Variants in COL6A6 observed in about 807,000 individuals in gnomAD.
COL6A6 encodes the protein collagen type VI alpha 6 chain, also known as collagen alpha-6(VI) chain.
A neutral mutation model predicts 208.6 loss-of-function variants in COL6A6; 183 were observed. That is an observed-to-expected ratio of 0.88 (90% CI 0.78 to 0.99). The LOEUF (loss-of-function observed/expected upper bound fraction) is 0.99, where lower values mean the gene tolerates loss of function less well. COL6A6 is among the 50% of genes least tolerant of loss of function. The pLI, the probability that COL6A6 is intolerant of heterozygous loss-of-function variation, is 0.00. For missense variants in COL6A6, 2,816 were observed against 2,815.2 expected (o/e 1.00, Z -0.01); for synonymous variants, 973 against 1,011.8 (o/e 0.96, Z 0.73).
intron 25 of COL6A6, 37 bp downstream of exon 25, chr3:130,626,584 G>C: frequency 6.9e-7 from 1 of 1,446,052 alleles, no homozygotes; most frequent in Non-Finnish European, 9.7e-7. Flanking sequence ...CGGATTCTTG[G>C]AATCTTTTAG....
At chr3:130,566,273 G>T (rs1160166366) in intron 4 of COL6A6, among the ~76,000 whole-genome samples, 2 of 152,184 alleles carry the variant, frequency 1.3e-5, no homozygotes, top group Non-Finnish European at 2.9e-5. Flanking sequence ...TAGATGACTA[G>T]GAGCGGGTAA....
At chr3:130,586,893 A>AG (rs1341594621) in intron 11 of COL6A6, among the ~76,000 whole-genome samples, 1 of 152,208 alleles carries the variant, frequency 6.6e-6, no homozygotes, top group Admixed American at 6.5e-5. Flanking sequence ...AGGAGGAAAG[A>AG]GGGAAAAAGA....
chr3:130,564,638 A>T (rs2062973384), intron 3 of COL6A6, among the ~76,000 whole-genome samples: 1 of 152,234 alleles, frequency 6.6e-6, no homozygotes, highest in Admixed American at 6.5e-5. Flanking sequence ...GTAACTGCTG[A>T]CTATAGTGTG....
chr3:130,551,022 A>G (rs2062629436), intron 1 of COL6A6, among the ~76,000 whole-genome samples: 1 of 152,182 alleles, frequency 6.6e-6, no homozygotes, highest in South Asian at 2.1e-4. Flanking sequence ...CTTGATCATC[A>G]TGGTGGATTA....
At chr3:130,536,982 A>G (rs2062240610) in intron 1 of COL6A6, among the ~76,000 whole-genome samples, 1 of 152,252 alleles carries the variant, frequency 6.6e-6, no homozygotes. Flanking sequence ...AATTTTTTTA[A>G]GTAAAACTAA....
intron 36 of COL6A6, among the ~76,000 whole-genome samples, chr3:130,668,173 A>T (rs2066123057): frequency 6.6e-6 from 1 of 151,974 alleles, no homozygotes; most frequent in Admixed American, 6.6e-5. Flanking sequence ...TTGATTTTGA[A>T]AACAAAATAA....
chr3:130,650,418 C>G (rs1394860601), intron 33 of COL6A6, among the ~76,000 whole-genome samples: 1 of 152,012 alleles, frequency 6.6e-6, no homozygotes, highest in Non-Finnish European at 1.5e-5. Flanking sequence ...GTCAGGAGAT[C>G]GAGACCATCC....
intron 1 of COL6A6, among the ~76,000 whole-genome samples, chr3:130,519,740 G>A (rs1190542974): frequency 6.6e-6 from 1 of 152,120 alleles, no homozygotes; most frequent in South Asian, 2.1e-4. Context: ...CAAGATCTTC[G>A]TAAAATGCCA....
chr3:130,623,577 T>G (rs2064800859), intron 24 of COL6A6, among the ~76,000 whole-genome samples: 1 of 152,196 alleles, frequency 6.6e-6, no homozygotes, highest in African/African-American at 2.4e-5. Flanking sequence ...ACTTAACTTG[T>G]GATGATTCCA....
At chr3:130,634,727 G>A in intron 27 of COL6A6, 102 bp downstream of exon 27, 1 of 821,022 alleles carries the variant, frequency 1.2e-6, no homozygotes, top group Non-Finnish European at 1.9e-6. Flanking sequence ...ATAAATAAAT[G>A]TCCTACCTTT....
chr3:130,555,751 G>GT (rs2062754208), intron 1 of COL6A6, among the ~76,000 whole-genome samples: 1 of 151,194 alleles, frequency 6.6e-6, no homozygotes, highest in African/African-American at 2.4e-5. Flanking sequence ...GGTGTTTTTT[G>GT]GTTTTTTTTG....
In COL6A6 at chr3:130,649,283, C is replaced by T; in HGVS notation, c.5454C>T (p.Ala1818=). The change falls in exon 33 of 37, where the codon GCC becomes GCT. Residue 1818 remains alanine (A), a synonymous_variant. Coordinates refer to ENST00000358511, the MANE Select transcript of COL6A6 (RefSeq NM_001102608.3). ...GGCACCTTGTGCGCTTCTCAGACGC[C>T]TACAAGAAGAGTCAACTTCTCAGAG... is the stretch of plus-strand genomic sequence containing the variant. ...HARHLVRFSD[A]YKKSQLLREI... is the part of the protein sequence containing the mutation. The T allele has an allele frequency of 1.2e-6, 2 of 1,604,516 alleles. No homozygotes were observed. Among genetic ancestry groups the T allele is most frequent in the Non-Finnish European group, 1.7e-6 (2 of 1,175,656 alleles).
intron 29 of COL6A6, 59 bp downstream of exon 29, chr3:130,641,773 G>T: frequency 1.0e-6 from 1 of 983,118 alleles, no homozygotes. Context: ...AAAAAAGTCA[G>T]TGCATGAAAT....
chr3:130,578,632 A>G (rs1372992231), intron 8 of COL6A6, among the ~76,000 whole-genome samples: 1 of 151,756 alleles, frequency 6.6e-6, no homozygotes, highest in Non-Finnish European at 1.5e-5. Flanking sequence ...TTACCTGCCA[A>G]TTGCTTCCCA....
At chr3:130,521,756 CT>C (rs1214199185) in intron 1 of COL6A6, among the ~76,000 whole-genome samples, 2 of 152,226 alleles carry the variant, frequency 1.3e-5, no homozygotes, top group African/African-American at 4.8e-5. Flanking sequence ...GTAAACACCC[CT>C]GGAGCAATAC....
rs73198021 is a variant in COL6A6, at chr3:130,558,379, G to A, written c.-31-1955G>A. On this transcript the variant is annotated intron_variant, in intron 1 of 36. Coordinates refer to ENST00000358511, the MANE Select transcript of COL6A6 (RefSeq NM_001102608.3). ...ACACACACCTCAAGAACGCTTCACC[G>A]GGCTTCAACATTGTATAGCCTTACA... is the stretch of plus-strand genomic sequence containing the variant. Among the ~76,000 whole-genome samples, 1,243 of 152,146 alleles carry A rather than the reference G, an allele frequency of 8.2e-3. 4 individuals are homozygous for A. Among genetic ancestry groups the A allele is most frequent in the Non-Finnish European group, 0.014 (932 of 68,006 alleles).
intron 21 of COL6A6, among the ~76,000 whole-genome samples, chr3:130,607,223 T>A (rs2064210812): frequency 6.6e-6 from 1 of 152,206 alleles, no homozygotes; most frequent in Non-Finnish European, 1.5e-5. Context: ...TTTGCTTGGA[T>A]TTTAAGTACA....
At chr3:130,570,731 A>G in intron 6 of COL6A6, 87 bp from the exon 7 acceptor site, 1 of 991,878 alleles carries the variant, frequency 1.0e-6, no homozygotes, top group Non-Finnish European at 1.5e-6. Flanking sequence ...TGGAGAGAAA[A>G]CACTAGCAAT....
At chr3:130,563,777 C>A in intron 3 of COL6A6, 113 bp downstream of exon 3, 1 of 702,596 alleles carries the variant, frequency 1.4e-6, no homozygotes, top group Non-Finnish European at 2.4e-6. Context: ...GCTGCATTTT[C>A]AGATGTTATG....
Sources: gnomAD v4.1 joint callset for allele counts (sites outside exome capture counted in the v4.1 genomes callset) on GRCh38, gnomAD v4.1.1 for gene constraint, MANE v1.5 for transcripts, NCBI Gene and HGNC (gene_info 2026-07-23, HGNC 2026-07-21) for gene names.